The following CTBP2 variants were observed in gnomAD, a reference collection of about 807,000 sequenced individuals.
CTBP2 encodes C-terminal-binding protein 2.
In CTBP2, 30 loss-of-function variants were observed where a neutral mutation model predicts 80.3. The ratio of observed to expected loss-of-function variants is 0.37; its 90% CI spans 0.28 to 0.51. The LOEUF (loss-of-function observed/expected upper bound fraction) is 0.51, where lower values mean the gene tolerates loss of function less well. CTBP2 is among the 20% of genes least tolerant of loss of function. The pLI is 0.93. For missense variants in CTBP2, 1,212 were observed against 1,375.3 expected (o/e 0.88, Z 1.88); for synonymous variants, 594 against 587.4 (o/e 1.01, Z -0.16).
chr10:125,061,863 G>C (rs564449546), intron 2 of CTBP2, among the ~76,000 whole-genome samples: 1 of 152,168 alleles, frequency 6.6e-6, no homozygotes, highest in Non-Finnish European at 1.5e-5. Flanking sequence ...CACTGTTCCC[G>C]TCACTTTGCA....
chr10:125,122,348 C>A (rs1300104884), intron 1 of CTBP2, among the ~76,000 whole-genome samples: 2 of 152,214 alleles, frequency 1.3e-5, no homozygotes, highest in African/African-American at 4.8e-5. Flanking sequence ...AAATGCAGGG[C>A]AAGCGTGCTT....
upstream of CTBP2, among the ~76,000 whole-genome samples, chr10:125,028,755 G>A (rs867595819): frequency 2.6e-5 from 4 of 152,180 alleles, no homozygotes; most frequent in South Asian, 2.1e-4. Flanking sequence ...ACTGGGAAGC[G>A]GCTGCATCTG....
chr10:125,152,027 G>T (rs938737447), intron 1 of CTBP2, among the ~76,000 whole-genome samples: 1 of 152,160 alleles, frequency 6.6e-6, no homozygotes, highest in Non-Finnish European at 1.5e-5. Context: ...GGGCCCGGGG[G>T]TGTCAGATAC....
At position 125,027,495 on chromosome 10, in the gene CTBP2, A is replaced by G; in HGVS notation, c.265T>C (p.Phe89Leu). Residue 89 changes from phenylalanine (F) to leucine (L), a missense_variant, in exon 1 of 9, where the codon TTC becomes CTC. By Grantham distance (22) the Phe-to-Leu change is conservative (BLOSUM62 0). Around this residue, in one of 3 missense-constraint regions of CTBP2, gnomAD observed 848 missense variants for 782.3 expected, o/e 1.08. Transcript: ENST00000309035. Reference sequence around the variant, plus strand: ...GCCTGTCTGCTGTCGTAGAAGGTGAAGTCAGGAGTAGACCCCTTTCTTGCA... The same window carrying G: ...GCCTGTCTGCTGTCGTAGAAGGTGAGGTCAGGAGTAGACCCCTTTCTTGCA... 6.2e-7 allele frequency: 1 copy of G among 1,614,148 alleles called. No homozygotes were observed. Among genetic ancestry groups the G allele is most frequent in the Non-Finnish European group, 8.5e-7 (1 of 1,180,014 alleles).
At chr10:125,069,819 C>T (rs1031880609) in intron 2 of CTBP2, among the ~76,000 whole-genome samples, 5 of 151,922 alleles carry the variant, frequency 3.3e-5, no homozygotes, top group Non-Finnish European at 7.4e-5. Flanking sequence ...TCCCCAACTC[C>T]ACCACCATCA....
At chr10:125,033,873 ACAGGGCACCACCAAC>A (rs988563909) in intron 3 of CTBP2, among the ~76,000 whole-genome samples, 2 of 152,098 alleles carry the variant, frequency 1.3e-5, no homozygotes, top group Admixed American at 6.5e-5. Context: ...ATCGATGGAG[ACAGGGCACCACCAAC>A]CAGGCGGTGG....
At chr10:125,132,165 A>G (rs570214696) in intron 1 of CTBP2, among the ~76,000 whole-genome samples, 8 of 152,334 alleles carry the variant, frequency 5.3e-5, no homozygotes, top group South Asian at 2.1e-4. Flanking sequence ...GACCAATTCA[A>G]AAGTCCAGCA....
chr10:125,126,477 T>A (rs1393012562), intron 1 of CTBP2, among the ~76,000 whole-genome samples: 1 of 152,160 alleles, frequency 6.6e-6, no homozygotes, highest in African/African-American at 2.4e-5. Context: ...GAAAATGCCA[T>A]CCGCAAGGCC....
intron 1 of CTBP2, among the ~76,000 whole-genome samples, chr10:125,006,710 G>GT (rs1243227740): frequency 6.6e-6 from 1 of 152,208 alleles, no homozygotes; most frequent in Non-Finnish European, 1.5e-5. Context: ...CTATTAGGAT[G>GT]TAACTGACAC....
At chr10:125,051,892 TAGACAC>T (rs778529064) in intron 2 of CTBP2, among the ~76,000 whole-genome samples, 7 of 152,046 alleles carry the variant, frequency 4.6e-5, no homozygotes, top group Non-Finnish European at 1.0e-4. Flanking sequence ...GTTGGACACT[TAGACAC>T]AGACAGGGGG....
chr10:125,075,834 G>T (rs1564859589), intron 2 of CTBP2, among the ~76,000 whole-genome samples: 1 of 152,224 alleles, frequency 6.6e-6, no homozygotes, highest in South Asian at 2.1e-4. Flanking sequence ...CAGCTGGCAG[G>T]AGTGGAAATC....
chr10:125,113,686 G>A (rs1852687725), intron 1 of CTBP2, among the ~76,000 whole-genome samples: 1 of 152,196 alleles, frequency 6.6e-6, no homozygotes, highest in African/African-American at 2.4e-5. Context: ...AATGTCTGAA[G>A]ACAAACGTAG....
intron 2 of CTBP2, among the ~76,000 whole-genome samples, chr10:125,102,460 A>T (rs965646283): frequency 6.6e-6 from 1 of 152,204 alleles, no homozygotes; most frequent in Non-Finnish European, 1.5e-5. Context: ...ACAGGCAGAG[A>T]GGGCTTTCCG....
chr10:125,013,810 T>G (rs1490082633), intron 1 of CTBP2, among the ~76,000 whole-genome samples: 1 of 152,194 alleles, frequency 6.6e-6, no homozygotes, highest in Non-Finnish European at 1.5e-5. Flanking sequence ...GCAAACCACC[T>G]GCTGGATTGG....
At chr10:125,121,858 C>G (rs115266251) in intron 1 of CTBP2, among the ~76,000 whole-genome samples, 1,796 of 152,356 alleles carry the variant, frequency 0.012, 40 homozygotes, top group African/African-American at 0.041. Context: ...CAAACAGCAG[C>G]CCCTTCACAT....
At chr10:125,059,451 G>C (rs1278330354) in intron 2 of CTBP2, among the ~76,000 whole-genome samples, 2 of 152,034 alleles carry the variant, frequency 1.3e-5, no homozygotes, top group African/African-American at 4.8e-5. Context: ...GTGTGGTGGT[G>C]CACGCCTGTA....
At chr10:125,082,520 G>A (rs1403820976) in intron 2 of CTBP2, among the ~76,000 whole-genome samples, 1 of 151,772 alleles carries the variant, frequency 6.6e-6, no homozygotes, top group African/African-American at 2.4e-5. Flanking sequence ...ACTCCCCCAT[G>A]AGGAGAGTAT....
Position 125,026,879 on chromosome 10 carries a change from AG to A in CTBP2, c.880del (p.Leu294TrpfsTer49). On this transcript the variant is annotated frameshift_variant, in exon 1 of 9. Coordinates refer to ENST00000309035, the MANE Select transcript of CTBP2 (RefSeq NM_022802.3). LOFTEE classifies it high-confidence loss of function. ...CAGCCCCTCCGCCCGCAGAAAGGCCAGGAACTCAGGGAGCACGGTCCTCTTG... is the reference window on the plus strand; with the variant it reads ...CAGCCCCTCCGCCCGCAGAAAGGCCAGAACTCAGGGAGCACGGTCCTCTTG... 1 of 1,613,920 alleles carries A rather than the reference AG, an allele frequency of 6.2e-7. No homozygotes were observed. The highest frequency in any genetic ancestry group is 8.5e-7 in the Non-Finnish European group (1 of 1,180,004).
At chr10:125,111,197 T>A (rs1416814565) in intron 1 of CTBP2, 104 bp from the exon 2 acceptor site, 1 of 152,220 alleles carries the variant, frequency 6.6e-6, no homozygotes, top group Non-Finnish European at 1.5e-5. Context: ...CCTTCGACTC[T>A]AAGCTACCAG....
Sources: allele counts gnomAD v4.1 joint callset (sites outside exome capture counted in the v4.1 genomes callset), GRCh38; gene constraint gnomAD v4.1.1; regional missense constraint gnomAD v4.1.1; transcripts MANE v1.5; gene names NCBI Gene and HGNC (gene_info 2026-07-23, HGNC 2026-07-21).